LRRC4C: variants seen among roughly 807,000 people sequenced by gnomAD.
LRRC4C encodes leucine rich repeat containing 4C, also known as leucine-rich repeat-containing protein 4C.
A neutral mutation model predicts 33.6 loss-of-function variants in LRRC4C; 5 were observed. The observed-to-expected ratio is 0.15, with a 90% confidence interval of 0.08 to 0.31. LRRC4C has a LOEUF of 0.31. Ranked by LOEUF, LRRC4C falls within the 10% of genes least tolerant of loss-of-function variation. The probability of loss-of-function intolerance (pLI) is 1.00; values close to 1 mark genes in which losing one functional copy is unlikely to be tolerated. For missense variants in LRRC4C, 560 were observed against 796.7 expected, an observed-to-expected ratio of 0.70 and a Z score of 3.58; for synonymous variants, 329 against 302.0, an observed-to-expected ratio of 1.09 and a Z score of -0.93.
chr11:40,154,925 C>T (rs1399508513), intron 5 of LRRC4C, among the ~76,000 whole-genome samples: 2 of 152,114 alleles, frequency 1.3e-5, no homozygotes, highest in Non-Finnish European at 2.9e-5. Flanking sequence ...GCACGTGGAT[C>T]TTTCTCCAAG....
At chr11:40,737,396 A>C (rs1016482780) in intron 2 of LRRC4C, among the ~76,000 whole-genome samples, 1 of 152,086 alleles carries the variant, frequency 6.6e-6, no homozygotes, top group East Asian at 1.9e-4. Flanking sequence ...AAAAAAATAA[A>C]GTTATTTGAA....
At position 40,420,270 on chromosome 11, in the gene LRRC4C, C is replaced by T. The variant is rs146943924; in HGVS notation, c.-269-100549G>A. Among the ~76,000 whole-genome samples, 27 of 152,256 alleles carry T rather than the reference C, an allele frequency of 1.8e-4. 1 individual carries two copies. In the East Asian group the frequency reaches 5.2e-3, roughly 30 times the overall value. On this transcript the variant is annotated intron_variant, in intron 3 of 6. Transcript: ENST00000528697. ...ACAATTGTACTGAGGCCATGTTTTCCCTCAAGGTTCTTCCAGCCAGTGTTT... is the reference window on the plus strand; with the variant it reads ...ACAATTGTACTGAGGCCATGTTTTCTCTCAAGGTTCTTCCAGCCAGTGTTT...
chr11:41,293,284 C>T (rs1950042811), intron 1 of LRRC4C, among the ~76,000 whole-genome samples: 1 of 151,842 alleles, frequency 6.6e-6, no homozygotes, highest in African/African-American at 2.4e-5. Context: ...TTTTGTATTA[C>T]TATCATAGTA....
At chr11:40,532,307 T>C (rs1294756909) in intron 3 of LRRC4C, among the ~76,000 whole-genome samples, 1 of 151,872 alleles carries the variant, frequency 6.6e-6, no homozygotes, top group Non-Finnish European at 1.5e-5. Context: ...GTAAAATGGA[T>C]CACATGGAAC....
At chr11:40,130,260 C>T (rs751665891) in intron 6 of LRRC4C, among the ~76,000 whole-genome samples, 2 of 152,124 alleles carry the variant, frequency 1.3e-5, no homozygotes, top group Non-Finnish European at 2.9e-5. Context: ...TAGAAATATG[C>T]CTGTTTGTAA....
intron 1 of LRRC4C, among the ~76,000 whole-genome samples, chr11:40,937,883 A>G (rs976404029): frequency 6.6e-6 from 1 of 151,808 alleles, no homozygotes; most frequent in African/African-American, 2.4e-5. Flanking sequence ...TCTTGAACTC[A>G]TGTGTTCAAG....
intron 2 of LRRC4C, among the ~76,000 whole-genome samples, chr11:40,823,252 C>A (rs948476732): frequency 6.6e-6 from 1 of 151,506 alleles, no homozygotes; most frequent in African/African-American, 2.4e-5. Context: ...AGAGAAAATT[C>A]TTATTATTTT....
rs76722563 is a variant in LRRC4C, at chr11:41,119,553, C to T, written c.-495-185830G>A. ...ATAACCTGTTGGAGAATCCCTCAAA[C>T]GTCATGCCACTAATGGCTCTTTCCA... On this transcript the variant is annotated intron_variant, in intron 1 of 6. Transcript: ENST00000528697. Among the ~76,000 whole-genome samples, 961 of 152,286 alleles carry T rather than the reference C, an allele frequency of 6.3e-3. 11 individuals carry two copies. Among genetic ancestry groups the T allele is most frequent in the African/African-American group, 0.021 (881 of 41,584 alleles).
chr11:40,561,080 T>C (rs1957528418), intron 3 of LRRC4C, among the ~76,000 whole-genome samples: 1 of 152,176 alleles, frequency 6.6e-6, no homozygotes, highest in Non-Finnish European at 1.5e-5. Context: ...TCACAAAAAT[T>C]GATATTGGTC....
chr11:41,396,149 C>T (rs1049951985), intron 1 of LRRC4C, among the ~76,000 whole-genome samples: 15 of 151,916 alleles, frequency 9.9e-5, no homozygotes, highest in African/African-American at 3.6e-4. Context: ...TTGGACCCCC[C>T]GTTGCAGATA....
chr11:40,281,175 C>G (rs1160353970), intron 4 of LRRC4C, among the ~76,000 whole-genome samples: 2 of 152,144 alleles, frequency 1.3e-5, no homozygotes, highest in Non-Finnish European at 2.9e-5. Context: ...ACAGAGAAAG[C>G]CTTCACAGTT....
chr11:40,388,142 T>C (rs1207261640), intron 3 of LRRC4C, among the ~76,000 whole-genome samples: 1 of 152,122 alleles, frequency 6.6e-6, no homozygotes, highest in Non-Finnish European at 1.5e-5. Context: ...TTAACCTTCG[T>C]TTGGAAAGAG....
At chr11:41,355,919 C>G (rs180714621) in intron 1 of LRRC4C, among the ~76,000 whole-genome samples, 1 of 152,010 alleles carries the variant, frequency 6.6e-6, no homozygotes, top group South Asian at 2.1e-4. Context: ...ATGAACACTA[C>G]CAACATTCAA....
chr11:40,675,737 T>C (rs1944366623), intron 2 of LRRC4C, among the ~76,000 whole-genome samples: 1 of 152,216 alleles, frequency 6.6e-6, no homozygotes, highest in Non-Finnish European at 1.5e-5. Context: ...CATGTTCTAT[T>C]TGTATCTTGG....
At chr11:40,584,467 A>C (rs1471638689) in intron 3 of LRRC4C, among the ~76,000 whole-genome samples, 1 of 151,954 alleles carries the variant, frequency 6.6e-6, no homozygotes, top group African/African-American at 2.4e-5. Context: ...CTACTGTGTT[A>C]GGAGGAGGAT....
At chr11:40,559,331 G>A (rs1210388599) in intron 3 of LRRC4C, among the ~76,000 whole-genome samples, 2 of 151,866 alleles carry the variant, frequency 1.3e-5, no homozygotes, top group Non-Finnish European at 2.9e-5. Flanking sequence ...CCACAGGAGT[G>A]TACCACCTCA....
chr11:40,803,172 T>C (rs1394085571), intron 2 of LRRC4C, among the ~76,000 whole-genome samples: 1 of 152,204 alleles, frequency 6.6e-6, no homozygotes, highest in African/African-American at 2.4e-5. Context: ...GAAAACAGGC[T>C]ACATATATTA....
At chr11:40,652,851 CT>C (rs1194806639) in intron 2 of LRRC4C, among the ~76,000 whole-genome samples, 1 of 152,194 alleles carries the variant, frequency 6.6e-6, no homozygotes, top group Non-Finnish European at 1.5e-5. Flanking sequence ...CCCAAATCAC[CT>C]TGATTATAAT....
intron 4 of LRRC4C, among the ~76,000 whole-genome samples, chr11:40,268,756 A>G (rs1281713995): frequency 6.6e-6 from 1 of 152,132 alleles, no homozygotes; most frequent in East Asian, 1.9e-4. Context: ...CTTCAGCATC[A>G]CTTGTGGAGC....
Sources: gnomAD v4.1 joint callset for allele counts (sites outside exome capture counted in the v4.1 genomes callset) on GRCh38, gnomAD v4.1.1 for gene constraint, MANE v1.5 for transcripts, NCBI Gene and HGNC (gene_info 2026-07-23, HGNC 2026-07-21) for gene names.